Variants in NFATC3 observed in about 807,000 individuals in gnomAD.
The protein encoded by NFATC3 is nuclear factor of activated T cells 3.
In NFATC3, 46 loss-of-function variants were observed where a neutral mutation model predicts 98.6. That is an observed-to-expected ratio of 0.47 (90% CI 0.37 to 0.60). NFATC3 has a LOEUF of 0.60. Among genes scored for constraint, NFATC3 ranks in the 20% least tolerant of loss-of-function variants. The pLI, the probability that NFATC3 is intolerant of heterozygous loss-of-function variation, is 0.00. For synonymous variants in NFATC3, 512 were observed against 472.2 expected, an observed-to-expected ratio of 1.08 and a Z score of -1.09; for missense variants, 1,256 against 1,295.5, an observed-to-expected ratio of 0.97 and a Z score of 0.47.
In NFATC3 at chr16:68,151,851, C is replaced by T. The variant is rs560481009; in HGVS notation, c.1402-6018C>T. Reference sequence around the variant, plus strand: ...TGGGAGGCCGAGGCAGGTGGATCACCGGAGGCCAGAAGTTCGAGACGAGCC... The same window carrying T: ...TGGGAGGCCGAGGCAGGTGGATCACTGGAGGCCAGAAGTTCGAGACGAGCC... On this transcript the variant is annotated intron_variant, in intron 3 of 9. Coordinates refer to ENST00000346183, the MANE Select transcript of NFATC3 (RefSeq NM_173165.3). Among the ~76,000 whole-genome samples the T allele has an allele frequency of 6.1e-4, 92 of 150,246 alleles. 1 individual carries two copies. Among genetic ancestry groups the T allele is most frequent in the South Asian group, 1.7e-3 (8 of 4,734 alleles).
intron 1 of NFATC3, 84 bp from the exon 2 acceptor site, chr16:68,121,901 TAC>T (rs1436672471): frequency 7.0e-7 from 1 of 1,426,052 alleles, no homozygotes; most frequent in Non-Finnish European, 9.4e-7. Flanking sequence ...TGTTATTATT[TAC>T]TTTCTCATCT....
chr16:68,221,149 T>G (rs773253953), intron 9 of NFATC3: 1 of 1,591,794 alleles, frequency 6.3e-7, no homozygotes, highest in Admixed American at 1.7e-5. Flanking sequence ...ACTTAAAAAT[T>G]GTGCTTATCA....
intron 9 of NFATC3, among the ~76,000 whole-genome samples, chr16:68,207,811 G>A (rs997373021): frequency 2.0e-5 from 3 of 151,892 alleles, no homozygotes; most frequent in Non-Finnish European, 4.4e-5. Flanking sequence ...TCCTACAGCA[G>A]CCACACCATT....
At chr16:68,140,124 G>A (rs1286301338) in intron 3 of NFATC3, among the ~76,000 whole-genome samples, 1 of 152,082 alleles carries the variant, frequency 6.6e-6, no homozygotes, top group African/African-American at 2.4e-5. Context: ...AGCCTCCCAA[G>A]TAGTTGGGAC....
At chr16:68,162,190 T>C (rs904303962) in intron 4 of NFATC3, among the ~76,000 whole-genome samples, 1 of 152,194 alleles carries the variant, frequency 6.6e-6, no homozygotes, top group African/African-American at 2.4e-5. Context: ...CCAAGCGTTA[T>C]GTATATTGGA....
intron 1 of NFATC3, among the ~76,000 whole-genome samples, chr16:68,107,311 G>A (rs945780501): frequency 6.6e-6 from 1 of 152,180 alleles, no homozygotes; most frequent in African/African-American, 2.4e-5. Context: ...AGGTCTTTGG[G>A]AGAATAATTG....
intron 9 of NFATC3, among the ~76,000 whole-genome samples, chr16:68,205,726 C>G (rs1462752345): frequency 6.6e-6 from 1 of 151,994 alleles, no homozygotes; most frequent in Non-Finnish European, 1.5e-5. Flanking sequence ...CTTATTTTTA[C>G]TAGCATATTA....
chr16:68,117,610 C>T (rs1254057245), intron 1 of NFATC3, among the ~76,000 whole-genome samples: 2 of 152,162 alleles, frequency 1.3e-5, no homozygotes, highest in Admixed American at 6.5e-5. Context: ...CAGGCTCAAA[C>T]GACCCTCCTG....
intron 3 of NFATC3, among the ~76,000 whole-genome samples, chr16:68,147,589 G>GT (rs1224118922): frequency 6.6e-6 from 1 of 152,084 alleles, no homozygotes; most frequent in Non-Finnish European, 1.5e-5. Flanking sequence ...AGTTGTTGCT[G>GT]TTTATTTCTC....
At chr16:68,164,154 C>T (rs537134430) in intron 4 of NFATC3, among the ~76,000 whole-genome samples, 1 of 152,264 alleles carries the variant, frequency 6.6e-6, no homozygotes, top group African/African-American at 2.4e-5. Context: ...AATCCCAGCA[C>T]CTCGGGAGGC....
At chr16:68,132,055 G>A (rs1427180151) in intron 3 of NFATC3, among the ~76,000 whole-genome samples, 3 of 152,182 alleles carry the variant, frequency 2.0e-5, no homozygotes, top group Non-Finnish European at 4.4e-5. Flanking sequence ...CCTTTTAAAT[G>A]ACGTGCTCTC....
In NFATC3 at chr16:68,093,061, C is replaced by T. The variant is rs79019395; in HGVS notation, c.103+7277C>T. Among the ~76,000 whole-genome samples the T allele has an allele frequency of 6.9e-3, 1,049 of 151,176 alleles. 18 individuals are homozygous for T. The highest frequency in any genetic ancestry group is 0.024 in the African/African-American group (976 of 41,434). On this transcript the variant is annotated intron_variant, in intron 1 of 9. Coordinates refer to ENST00000346183, the MANE Select transcript of NFATC3 (RefSeq NM_173165.3). The stretch of plus-strand genomic sequence containing the variant: ...CCTTTTTGTCTGTAACCTGCCTTTC[C>T]TCACAGTTTTTCATTGTGCTCCACC...
Position 68,085,735 on chromosome 16 carries a change from T to C in NFATC3, c.54T>C (p.Phe18=), listed in dbSNP as rs1245385660. The change falls in exon 1 of 10, where the codon TTT becomes TTC. Residue 18 remains phenylalanine (F), a synonymous_variant. Transcript: ENST00000346183. ...ACGAGCTCGACTTCAAACTCGTCTT[T>C]GGCGAGGACGGGGCGCCGGCGCCGC... The part of the protein sequence containing the change: ...AHDELDFKLV[F]GEDGAPAPPP... 6.7e-7 allele frequency: 1 copy of C among 1,503,614 alleles called. No individual in the cohort carries two copies. 93.1% of individuals were successfully genotyped at this position (1,503,614 alleles called of 1,614,324 possible).
At chr16:68,136,744 G>A (rs2151531025) in intron 3 of NFATC3, among the ~76,000 whole-genome samples, 1 of 152,100 alleles carries the variant, frequency 6.6e-6, no homozygotes, top group South Asian at 2.1e-4. Context: ...CCTAATATGT[G>A]GTATAACCAG....
chr16:68,127,570 C>T (rs1260514458), intron 3 of NFATC3, among the ~76,000 whole-genome samples: 2 of 151,808 alleles, frequency 1.3e-5, no homozygotes, highest in Non-Finnish European at 2.9e-5. Context: ...TGCCTATAGT[C>T]CCAGCCATTC....
At chr16:68,146,614 A>G (rs529000924) in intron 3 of NFATC3, among the ~76,000 whole-genome samples, 1 of 152,324 alleles carries the variant, frequency 6.6e-6, no homozygotes, top group East Asian at 1.9e-4. Context: ...TATTTCTACA[A>G]TGTGTTGTCA....
intron 3 of NFATC3, among the ~76,000 whole-genome samples, chr16:68,146,125 C>G (rs1384925825): frequency 6.6e-6 from 1 of 152,070 alleles, no homozygotes; most frequent in East Asian, 1.9e-4. Context: ...CCAAAATGTT[C>G]CAGTGAGCAT....
chr16:68,097,498 T>G (rs760755664), intron 1 of NFATC3, among the ~76,000 whole-genome samples: 3 of 152,204 alleles, frequency 2.0e-5, no homozygotes, highest in Non-Finnish European at 4.4e-5. Context: ...TCTATAGATA[T>G]TGATGATAGT....
At chr16:68,180,384 A>G (rs1045756422) in intron 6 of NFATC3, among the ~76,000 whole-genome samples, 1 of 152,206 alleles carries the variant, frequency 6.6e-6, no homozygotes, top group Non-Finnish European at 1.5e-5. Flanking sequence ...TTATTATCCA[A>G]GATGGAATGA....
Sources: allele counts gnomAD v4.1 joint callset (sites outside exome capture counted in the v4.1 genomes callset), GRCh38; gene constraint gnomAD v4.1.1; transcripts MANE v1.5; gene names NCBI Gene and HGNC (gene_info 2026-07-23, HGNC 2026-07-21).